Variants in FBXL7 observed in about 807,000 individuals in gnomAD.
FBXL7 encodes the protein F-box/LRR-repeat protein 7.
FBXL7 carries 12 observed loss-of-function variants against 38.3 expected under a neutral mutation model. The observed-to-expected ratio is 0.31, with a 90% CI of 0.20 to 0.51. The LOEUF is 0.51. Ranked by LOEUF, FBXL7 falls within the 20% of genes least tolerant of loss-of-function variation. The pLI is 0.98. For missense variants in FBXL7, 567 were observed against 676.4 expected, an observed-to-expected ratio of 0.84 and a Z score of 1.79; for synonymous variants, 297 against 300.9, an observed-to-expected ratio of 0.99 and a Z score of 0.13.
intron 2 of FBXL7, among the ~76,000 whole-genome samples, chr5:15,801,422 A>C (rs1737559884): frequency 6.6e-6 from 1 of 152,226 alleles, no homozygotes; most frequent in African/African-American, 2.4e-5. Flanking sequence ...AATGATGTGT[A>C]ATAAAAAAAG....
chr5:15,595,657 G>GATACCATT (rs1739606467), intron 1 of FBXL7, among the ~76,000 whole-genome samples: 1 of 152,060 alleles, frequency 6.6e-6, no homozygotes, highest in African/African-American at 2.4e-5. Context: ...GAAAATCTGG[G>GATACCATT]ATACCATTTT....
intron 2 of FBXL7, among the ~76,000 whole-genome samples, chr5:15,836,178 G>T (rs999307092): frequency 1.3e-5 from 2 of 152,050 alleles, no homozygotes; most frequent in African/African-American, 2.4e-5. Context: ...ATTCTATCAG[G>T]TTCCTTCATT....
intron 2 of FBXL7, among the ~76,000 whole-genome samples, chr5:15,687,458 C>T (rs1258477650): frequency 6.6e-6 from 1 of 152,210 alleles, no homozygotes; most frequent in Non-Finnish European, 1.5e-5. Flanking sequence ...GGCCCACATG[C>T]ACTCACTGTT....
At chr5:15,895,924 G>A (rs547859341) in intron 2 of FBXL7, among the ~76,000 whole-genome samples, 10 of 151,758 alleles carry the variant, frequency 6.6e-5, no homozygotes, top group South Asian at 2.1e-4. Context: ...GATTACAGGC[G>A]TGAGCCACCG....
At chr5:15,547,664 C>G (rs2126417169) in intron 1 of FBXL7, among the ~76,000 whole-genome samples, 1 of 152,254 alleles carries the variant, frequency 6.6e-6, no homozygotes, top group East Asian at 1.9e-4. Flanking sequence ...GCAGCCTGCC[C>G]TTGATTTTAT....
chr5:15,828,946 A>G (rs754637511), intron 2 of FBXL7, among the ~76,000 whole-genome samples: 13 of 152,244 alleles, frequency 8.5e-5, no homozygotes, highest in Non-Finnish European at 1.9e-4. Flanking sequence ...CTGAAAAGTT[A>G]TCTGGCCTTT....
intron 1 of FBXL7, among the ~76,000 whole-genome samples, chr5:15,530,699 A>G (rs968958896): frequency 6.6e-6 from 1 of 152,232 alleles, no homozygotes; most frequent in African/African-American, 2.4e-5. Context: ...GAAATGAGGT[A>G]CAAGCTTCTG....
chr5:15,609,758 T>C (rs549949894), intron 1 of FBXL7, among the ~76,000 whole-genome samples: 7 of 152,304 alleles, frequency 4.6e-5, no homozygotes, highest in African/African-American at 1.4e-4. Flanking sequence ...GGCAGCTTGA[T>C]GTAGCCATGG....
intron 2 of FBXL7, among the ~76,000 whole-genome samples, chr5:15,620,139 A>C (rs576115350): frequency 3.9e-4 from 60 of 152,212 alleles, no homozygotes; most frequent in Non-Finnish European, 6.9e-4. Context: ...AAAGCATTGA[A>C]TTGTATGCTT....
At chr5:15,660,103 T>A (rs1742010333) in intron 2 of FBXL7, among the ~76,000 whole-genome samples, 1 of 152,218 alleles carries the variant, frequency 6.6e-6, no homozygotes, top group South Asian at 2.1e-4. Context: ...CTTTAACTCC[T>A]TGAGGAGTGA....
chr5:15,668,606 C>A (rs1054053631), intron 2 of FBXL7, among the ~76,000 whole-genome samples: 5 of 152,108 alleles, frequency 3.3e-5, no homozygotes, highest in African/African-American at 9.7e-5. Context: ...TGAGCAGCCA[C>A]CTTGGACCAT....
intron 2 of FBXL7, among the ~76,000 whole-genome samples, chr5:15,643,340 T>C (rs1372408405): frequency 6.6e-6 from 1 of 152,206 alleles, no homozygotes; most frequent in Non-Finnish European, 1.5e-5. Flanking sequence ...CAATAAAATA[T>C]AGCCAGGAAT....
At chr5:15,866,393 A>G (rs1454688201) in intron 2 of FBXL7, among the ~76,000 whole-genome samples, 1 of 152,204 alleles carries the variant, frequency 6.6e-6, no homozygotes, top group Non-Finnish European at 1.5e-5. Context: ...AACCACCAAA[A>G]CATTCACAGG....
intron 2 of FBXL7, among the ~76,000 whole-genome samples, chr5:15,649,796 C>T (rs1158934353): frequency 6.6e-6 from 1 of 151,984 alleles, no homozygotes; most frequent in Non-Finnish European, 1.5e-5. Flanking sequence ...TCTCTGTCCC[C>T]TCACTCACTT....
intron 2 of FBXL7, among the ~76,000 whole-genome samples, chr5:15,629,256 C>G (rs1264031873): frequency 2.0e-5 from 3 of 152,070 alleles, no homozygotes; most frequent in Non-Finnish European, 4.4e-5. Context: ...GCCTGGGAAA[C>G]AGACTCAGAT....
At chr5:15,897,880 G>A (rs1051058141) in intron 2 of FBXL7, among the ~76,000 whole-genome samples, 3 of 152,222 alleles carry the variant, frequency 2.0e-5, no homozygotes, top group Non-Finnish European at 2.9e-5. Context: ...GAATGGACTA[G>A]AGTTGGAAAA....
At chr5:15,729,495 A>T (rs2126661278) in intron 2 of FBXL7, among the ~76,000 whole-genome samples, 1 of 152,270 alleles carries the variant, frequency 6.6e-6, no homozygotes, top group Non-Finnish European at 1.5e-5. Context: ...TTCCTTATAA[A>T]GAAGAAAGAA....
intron 3 of FBXL7, among the ~76,000 whole-genome samples, chr5:15,930,151 A>G (rs1742001498): frequency 6.6e-6 from 1 of 152,210 alleles, no homozygotes; most frequent in Non-Finnish European, 1.5e-5. Context: ...TCAGTTAGTC[A>G]TGAGTAGCCA....
At chr5:15,846,155 G>C (rs964456850) in intron 2 of FBXL7, among the ~76,000 whole-genome samples, 1 of 152,110 alleles carries the variant, frequency 6.6e-6, no homozygotes, top group African/African-American at 2.4e-5. Flanking sequence ...ATCAAGCAGG[G>C]TATCACAATG....
Sources: gnomAD v4.1 joint callset for allele counts (sites outside exome capture counted in the v4.1 genomes callset) on GRCh38, gnomAD v4.1.1 for gene constraint, MANE v1.5 for transcripts, NCBI Gene and HGNC (gene_info 2026-07-23, HGNC 2026-07-21) for gene names.